RGS22: variants seen among roughly 807,000 people sequenced by gnomAD.
RGS22 encodes regulator of G-protein signaling 22.
Under a neutral mutation model 172.9 loss-of-function variants are expected in RGS22, and 148 were observed. The observed-to-expected ratio is 0.86, with a 90% CI of 0.75 to 0.98. The LOEUF (loss-of-function observed/expected upper bound fraction) is 0.98, where lower values mean the gene tolerates loss of function less well. Ranked by LOEUF, RGS22 falls within the 50% of genes least tolerant of loss-of-function variation. The pLI is 0.00. For synonymous variants in RGS22, 458 were observed against 480.2 expected (o/e 0.95, Z 0.60); for missense variants, 1,347 against 1,440.8 (o/e 0.93, Z 1.05).
chr8:100,009,424 C>CAA (rs1238317237), intron 14 of RGS22, among the ~76,000 whole-genome samples: 1,649 of 45,470 alleles, frequency 0.036, 52 homozygotes, highest in East Asian at 0.18. Flanking sequence ...GACTCCACCT[C>CAA]AAAAAAAAAA....
chr8:100,009,990 T>C (rs1382832289), intron 14 of RGS22, among the ~76,000 whole-genome samples: 2 of 152,218 alleles, frequency 1.3e-5, no homozygotes, highest in African/African-American at 4.8e-5. Context: ...AGGTATGTAT[T>C]ATAAATAAGA....
chr8:99,962,641 T>C (rs753082694), intron 26 of RGS22, 46 bp downstream of exon 26: 1 of 1,556,466 alleles, frequency 6.4e-7, no homozygotes, highest in East Asian at 2.2e-5. Flanking sequence ...CAAAACTCCA[T>C]CAAAAAGAAA....
At chr8:99,992,066 TGA>T (rs897263114) in intron 20 of RGS22, among the ~76,000 whole-genome samples, 1 of 152,156 alleles carries the variant, frequency 6.6e-6, no homozygotes, top group African/African-American at 2.4e-5. Flanking sequence ...AAGCAAATGC[TGA>T]GAGATTTTGT....
rs778242333 is a variant in RGS22, at chr8:100,080,280, C to G, written c.193G>C (p.Glu65Gln). The G allele has an allele frequency of 3.1e-6, 5 of 1,613,568 alleles. No homozygotes were observed. The highest frequency in any genetic ancestry group is 4.2e-6 in the Non-Finnish European group (5 of 1,179,820). ...TGTAGAATTTTTTTCAGTTGTTTTT[C>G]CAGAAATTGTGGAGCATCATTAGCT... ...EVANDAPQFL[E>Q]KQLKKILQNQ... The change falls in exon 4 of 28, where the codon GAA (glutamate) becomes CAA (glutamine). Residue 65 changes from glutamate (E) to glutamine (Q), a missense_variant. By Grantham distance (29) the Glu-to-Gln change is conservative. Coordinates refer to ENST00000360863, the MANE Select transcript of RGS22 (RefSeq NM_015668.5).
At chr8:100,061,367 C>T (rs949667141) in intron 9 of RGS22, among the ~76,000 whole-genome samples, 1 of 152,086 alleles carries the variant, frequency 6.6e-6, no homozygotes, top group African/African-American at 2.4e-5. Context: ...ACAGAGTGAA[C>T]AGACAACCTA....
At chr8:100,004,226 G>A in intron 16 of RGS22, 128 bp from the exon 17 acceptor site, 1 of 1,129,650 alleles carries the variant, frequency 8.9e-7, no homozygotes, top group South Asian at 2.6e-5. Flanking sequence ...TGGCAGAGTG[G>A]GTAAAGACTT....
Position 99,987,473 on chromosome 8 carries a change from T to G in RGS22, c.3165A>C (p.Glu1055Asp), listed in dbSNP as rs771700896. 6.2e-7 allele frequency: 1 copy of G among 1,608,286 alleles called. No individual in the cohort carries two copies. Among genetic ancestry groups the G allele is most frequent in the South Asian group, 1.1e-5 (1 of 90,170 alleles). ...LLENGLLFWQEVQKYKDLCHS... is the reference protein window; with the variant it reads ...LLENGLLFWQDVQKYKDLCHS... ...AATACAATACCTTATATTTTTGTAC[T>G]TCTTGCCAAAAGAGTAAACCATTTT... The change falls in exon 21 of 28, where the codon GAA becomes GAC. Residue 1055 changes from glutamate (E) to aspartate (D), a missense_variant. By Grantham distance (45) the Glu-to-Asp change is conservative. Transcript: ENST00000360863.
chr8:100,051,419 T>C (rs1821271572), intron 10 of RGS22, among the ~76,000 whole-genome samples: 1 of 119,162 alleles, frequency 8.4e-6, no homozygotes, highest in East Asian at 2.2e-4. Flanking sequence ...ATTATATATA[T>C]ATACATTTAT....
rs758082329 is a variant in RGS22 at position 100,064,078 on chromosome 8, A to G, written c.725-35T>C. The G allele has an allele frequency of 4.3e-6, 6 of 1,406,770 alleles. No individual in the cohort carries two copies. The Admixed American group carries it at 1.5e-4, about 34-fold the overall frequency. The allele number at this position is 1,406,770 out of a possible 1,614,324, so 87.1% of individuals were successfully genotyped here. ...GTCATAAAAAGCTATTAGATTAGAT[A>G]TGAATACAAACCTTTCTTATTATTA... On this transcript the variant is annotated intron_variant, in intron 7 of 27. Transcript: ENST00000360863.
intron 7 of RGS22, 89 bp downstream of exon 7, chr8:100,066,078 A>C: frequency 1.6e-6 from 2 of 1,238,174 alleles, no homozygotes; most frequent in Non-Finnish European, 1.1e-6. Context: ...TTTTCTCCCC[A>C]ACCACTAAGT....
intron 18 of RGS22, among the ~76,000 whole-genome samples, chr8:100,001,779 G>T (rs1815119270): frequency 6.6e-6 from 1 of 152,150 alleles, no homozygotes; most frequent in South Asian, 2.1e-4. Flanking sequence ...TATCAGTTCA[G>T]AGAAGAACAG....
At chr8:100,038,861 G>T (rs2131590302) in intron 14 of RGS22, 70 bp downstream of exon 14, 2 of 919,212 alleles carry the variant, frequency 2.2e-6, no homozygotes, top group South Asian at 2.1e-5. Context: ...TCTCGTTTGG[G>T]ACTGGACACA....
At chr8:100,100,541 C>T (rs942809383) in intron 2 of RGS22, among the ~76,000 whole-genome samples, 8 of 152,112 alleles carry the variant, frequency 5.3e-5, no homozygotes, top group East Asian at 3.9e-4. Context: ...CTGCCTGCGA[C>T]GGCCTCCCAA....
intron 17 of RGS22, chr8:100,003,095 TA>T: frequency 5.4e-6 from 1 of 184,524 alleles, no homozygotes; most frequent in Non-Finnish European, 1.2e-5. Context: ...TACTATTTGA[TA>T]GCACAATAGG....
chr8:100,053,837 T>C (rs1821965537), intron 9 of RGS22, among the ~76,000 whole-genome samples: 1 of 152,088 alleles, frequency 6.6e-6, no homozygotes, highest in Non-Finnish European at 1.5e-5. Context: ...GGTTTCACCA[T>C]GTTAGCCAGG....
In RGS22 at chr8:100,038,768, T is replaced by C. The variant is rs140048745; in HGVS notation, c.2166+163A>G. 2.5e-3 allele frequency: 1,047 copies of C among 423,060 alleles called. 11 individuals are homozygous for C. The highest frequency in any genetic ancestry group is 0.019 in the African/African-American group (935 of 49,214). The allele number at this position is 423,060 out of a possible 1,614,324, so 26.2% of individuals were successfully genotyped here. On this transcript the variant is annotated intron_variant, in intron 14 of 27. Coordinates refer to ENST00000360863, the MANE Select transcript of RGS22 (RefSeq NM_015668.5). ...AACTGAAAACTCACAAATCATATTA[T>C]AAAACAATATTTTGCTGATTTCAAA...
intron 21 of RGS22, among the ~76,000 whole-genome samples, chr8:99,984,893 C>T (rs1812919976): frequency 1.3e-5 from 2 of 151,946 alleles, no homozygotes; most frequent in Non-Finnish European, 2.9e-5. Context: ...AACATCTTTT[C>T]CCATCATTGA....
intron 14 of RGS22, among the ~76,000 whole-genome samples, chr8:100,017,762 A>G (rs903990155): frequency 1.3e-5 from 2 of 152,228 alleles, no homozygotes; most frequent in African/African-American, 4.8e-5. Flanking sequence ...TATATGATAT[A>G]TAAATAATAT....
In RGS22 at chr8:100,005,957, TA is replaced by T. The variant is rs1451470286; in HGVS notation, c.2454+59del. The T allele has an allele frequency of 3.0e-5, 38 of 1,264,890 alleles. No individual in the cohort carries two copies. The East Asian group carries it at 7.2e-4, about 24-fold the overall frequency. 78.4% of individuals were successfully genotyped at this position (1,264,890 alleles called of 1,614,324 possible). ...CTACAATCTCCCCCTGCCCCATACATAAAGTGGTAACCCTCTCCAGGATAAA... is the reference window on the plus strand; with the variant it reads ...CTACAATCTCCCCCTGCCCCATACATAAGTGGTAACCCTCTCCAGGATAAA... On this transcript the variant is annotated intron_variant, in intron 16 of 27. Transcript: ENST00000360863.
Sources: gnomAD v4.1 joint callset for allele counts (sites outside exome capture counted in the v4.1 genomes callset) on GRCh38, gnomAD v4.1.1 for gene constraint, MANE v1.5 for transcripts, NCBI Gene and HGNC (gene_info 2026-07-23, HGNC 2026-07-21) for gene names.